Variants in ACER2 observed in about 807,000 individuals in gnomAD.
The protein encoded by ACER2 is alkCDase 2.
ACER2 carries 26 observed loss-of-function variants against 34.7 expected under a neutral mutation model. That is an observed-to-expected ratio of 0.75 (90% CI 0.55 to 1.04). The LOEUF (loss-of-function observed/expected upper bound fraction) is 1.04, where lower values mean the gene tolerates loss of function less well. Among genes scored for constraint, ACER2 ranks in the 50% least tolerant of loss-of-function variants. The pLI is 0.00. For missense variants in ACER2, 352 were observed against 340.8 expected, an observed-to-expected ratio of 1.03 and a Z score of -0.26; for synonymous variants, 138 against 132.1, an observed-to-expected ratio of 1.04 and a Z score of -0.31.
At chr9:19,439,422 C>G (rs754104762) in intron 4 of ACER2, among the ~76,000 whole-genome samples, 1 of 150,968 alleles carries the variant, frequency 6.6e-6, no homozygotes, top group Non-Finnish European at 1.5e-5. Flanking sequence ...CTCACTGTAA[C>G]CTTCACCTCC....
rs924162782 is a variant in ACER2 at position 19,450,483 on chromosome 9, C to T, written c.675C>T (p.Gly225=). The change falls in exon 6 of 6, where the codon GGC becomes GGT. Residue 225 remains glycine (G), a synonymous_variant. Transcript: ENST00000340967. ...TCATCTGCCTTGCTGCCTACCTGGG[C>T]TGTGTATGCTTTGCCTACTTTGATG... ...HILICLAAYL[G]CVCFAYFDAA... 77 of 1,608,708 alleles carry T rather than the reference C, an allele frequency of 4.8e-5. No individual in the cohort carries two copies. The highest frequency in any genetic ancestry group is 6.0e-5 in the Non-Finnish European group (71 of 1,175,780).
chr9:19,425,585 A>G lies in ACER2; in HGVS notation c.365+744A>G, dbSNP rs375881170. Among the ~76,000 whole-genome samples the G allele has an allele frequency of 9.8e-5, 15 of 152,380 alleles. No homozygotes were observed. The East Asian group carries it at 2.5e-3, about 25-fold the overall frequency. Reference sequence around the variant, plus strand: ...GAGATTACAAATCAACAAACAAGTAAATAATATAATATTAGGATATGTTAG... The same window carrying G: ...GAGATTACAAATCAACAAACAAGTAGATAATATAATATTAGGATATGTTAG... On this transcript the variant is annotated intron_variant, in intron 3 of 5. Transcript: ENST00000340967.
intron 4 of ACER2, among the ~76,000 whole-genome samples, chr9:19,442,269 GGA>G (rs1386944435): frequency 1.3e-5 from 2 of 152,216 alleles, no homozygotes; most frequent in African/African-American, 4.8e-5. Context: ...AGAAGAAATG[GGA>G]GAGATTCAGA....
intron 4 of ACER2, among the ~76,000 whole-genome samples, chr9:19,440,457 G>A (rs141356996): frequency 2.3e-3 from 355 of 152,194 alleles, no homozygotes; most frequent in Non-Finnish European, 3.6e-3. Context: ...CTCCTACATG[G>A]GATTAGTGCT....
chr9:19,416,250 C>T (rs1395950037), intron 1 of ACER2, among the ~76,000 whole-genome samples: 1 of 152,132 alleles, frequency 6.6e-6, no homozygotes, highest in Non-Finnish European at 1.5e-5. Flanking sequence ...AGAGGAAAGC[C>T]ATGTTTACAT....
At chr9:19,445,124 C>T (rs551054926) in intron 4 of ACER2, among the ~76,000 whole-genome samples, 9 of 152,280 alleles carry the variant, frequency 5.9e-5, no homozygotes, top group South Asian at 2.1e-4. Flanking sequence ...TGGTCCCCTC[C>T]GGGAAGAAGG....
intron 2 of ACER2, 112 bp from the exon 3 acceptor site, chr9:19,424,588 G>T: frequency 6.6e-7 from 1 of 1,510,332 alleles, no homozygotes; most frequent in South Asian, 1.4e-5. Flanking sequence ...TTCAGAGAGA[G>T]AGTGATCTGG....
intron 1 of ACER2, among the ~76,000 whole-genome samples, chr9:19,419,110 G>T (rs1173972771): frequency 6.6e-6 from 1 of 152,090 alleles, no homozygotes; most frequent in Non-Finnish European, 1.5e-5. Context: ...AGAATTGCTT[G>T]AACCCAGGAG....
At position 19,439,344 on chromosome 9, in the gene ACER2, C is replaced by CTTTTT. The variant is rs55690063; in HGVS notation, c.503+4269_503+4273dup. 5.0e-5 allele frequency among the ~76,000 whole-genome samples: 7 copies of CTTTTT among 138,756 alleles called. No individual in the cohort carries two copies. In the South Asian group the frequency reaches 1.5e-3, roughly 29 times the overall value. The allele number at this position is 138,756 out of a possible 152,430, so 91.0% of individuals were successfully genotyped here. On this transcript the variant is annotated intron_variant, in intron 4 of 5. Coordinates refer to ENST00000340967, the MANE Select transcript of ACER2 (RefSeq NM_001010887.3). ...GCTGCTCCCTCTCTAAAGGGGCTTGCTTTTTTTTTTTTTGGAGACGTAGTC... is the reference window on the plus strand; with the variant it reads ...GCTGCTCCCTCTCTAAAGGGGCTTGCTTTTTTTTTTTTTTTTTTGGAGACGTAGTC...
intron 4 of ACER2, among the ~76,000 whole-genome samples, chr9:19,444,899 G>T (rs2132529127): frequency 6.6e-6 from 1 of 152,314 alleles, no homozygotes; most frequent in Non-Finnish European, 1.5e-5. Context: ...TCCTACAAGA[G>T]TATTTTGATT....
intron 3 of ACER2, among the ~76,000 whole-genome samples, chr9:19,431,387 C>T (rs556412535): frequency 6.6e-6 from 1 of 152,350 alleles, no homozygotes; most frequent in African/African-American, 2.4e-5. Context: ...TTGAATCACT[C>T]TGTTACCCTC....
intron 2 of ACER2, chr9:19,424,436 C>T (rs1049414369): frequency 1.9e-4 from 190 of 985,216 alleles, no homozygotes; most frequent in Non-Finnish European, 2.2e-4. Flanking sequence ...CAGAAAGGCT[C>T]AGTGGATGAA....
chr9:19,412,019 C>T lies in ACER2; in HGVS notation c.108+2827C>T, dbSNP rs1426141509. ...GCACAGCTGAAGTCAGAACTTGGTCCATTTGACTCTACCAAGAGAGTTATC... is the reference window on the plus strand; with the variant it reads ...GCACAGCTGAAGTCAGAACTTGGTCTATTTGACTCTACCAAGAGAGTTATC... On this transcript the variant is annotated intron_variant, in intron 1 of 5. Transcript: ENST00000340967. Among the ~76,000 whole-genome samples, 6 of 152,166 alleles carry T rather than the reference C, an allele frequency of 3.9e-5. No homozygotes were observed. In the East Asian group the frequency reaches 9.6e-4, roughly 24 times the overall value.
At chr9:19,428,987 ACCAGGTTGG>A (rs1830668416) in intron 3 of ACER2, among the ~76,000 whole-genome samples, 2 of 151,378 alleles carry the variant, frequency 1.3e-5, no homozygotes, top group South Asian at 4.2e-4. Flanking sequence ...ACAGGGTTTC[ACCAGGTTGG>A]CCAGGCTGGT....
intron 4 of ACER2, among the ~76,000 whole-genome samples, chr9:19,444,465 C>T (rs1831279476): frequency 6.6e-6 from 1 of 152,186 alleles, no homozygotes; most frequent in South Asian, 2.1e-4. Context: ...CCCGCCTCGG[C>T]CTCCCAAAGT....
At chr9:19,413,814 T>C (rs989348390) in intron 1 of ACER2, among the ~76,000 whole-genome samples, 1 of 152,164 alleles carries the variant, frequency 6.6e-6, no homozygotes, top group African/African-American at 2.4e-5. Flanking sequence ...TGTCACTTCC[T>C]GCTCTGTCCC....
At chr9:19,446,443 G>A in intron 5 of ACER2, 25 bp downstream of exon 5, 3 of 1,613,998 alleles carry the variant, frequency 1.9e-6, no homozygotes, top group Non-Finnish European at 2.5e-6. Flanking sequence ...ATGGGGAGGT[G>A]GCCGGGGACA....
intron 4 of ACER2, among the ~76,000 whole-genome samples, chr9:19,445,395 A>G (rs1479834646): frequency 6.6e-6 from 1 of 152,220 alleles, no homozygotes; most frequent in East Asian, 1.9e-4. Context: ...GTGGATAAAC[A>G]CACACTGGAA....
chr9:19,449,608 G>T (rs115143041), intron 5 of ACER2, among the ~76,000 whole-genome samples: 8,837 of 152,184 alleles, frequency 0.058, 322 homozygotes, highest in African/African-American at 0.086. Context: ...TTTGGGCTGG[G>T]CGCAGTGGCT....
Sources: gnomAD v4.1 joint callset for allele counts (sites outside exome capture counted in the v4.1 genomes callset) on GRCh38, gnomAD v4.1.1 for gene constraint, MANE v1.5 for transcripts, NCBI Gene and HGNC (gene_info 2026-07-23, HGNC 2026-07-21) for gene names.